PCBP3: variants seen among roughly 807,000 people sequenced by gnomAD.
The protein encoded by PCBP3 is poly(rC)-binding protein 3.
Under a neutral mutation model 52.7 loss-of-function variants are expected in PCBP3, and 25 were observed. The observed-to-expected ratio is 0.47, with a 90% CI of 0.35 to 0.66. The LOEUF (loss-of-function observed/expected upper bound fraction) is 0.66. PCBP3 is among the 30% of genes least tolerant of loss of function. The pLI is 0.01. For missense variants in PCBP3, 391 were observed against 490.3 expected, an observed-to-expected ratio of 0.80 and a Z score of 1.91; for synonymous variants, 162 against 183.0, an observed-to-expected ratio of 0.89 and a Z score of 0.93.
chr21:45,662,918 C>T (rs1186965804), intron 1 of PCBP3, among the ~76,000 whole-genome samples: 1 of 152,012 alleles, frequency 6.6e-6, no homozygotes, highest in Non-Finnish European at 1.5e-5. Context: ...CTCCCTTTCC[C>T]TGGGGGAGTT....
intron 2 of PCBP3, among the ~76,000 whole-genome samples, chr21:45,709,064 T>C (rs879364786): frequency 6.6e-6 from 1 of 152,196 alleles, no homozygotes; most frequent in Non-Finnish European, 1.5e-5. Context: ...GGCCTCCGTT[T>C]CCCCATTTGT....
chr21:45,887,325 A>T (rs1166800009), intron 5 of PCBP3, among the ~76,000 whole-genome samples: 1 of 151,988 alleles, frequency 6.6e-6, no homozygotes, highest in Non-Finnish European at 1.5e-5. Context: ...CAGCCTTGCC[A>T]CTCCTTTTGT....
At chr21:45,930,110 C>T (rs756898792) in intron 14 of PCBP3, 115 bp downstream of exon 14, 14 of 422,030 alleles carry the variant, frequency 3.3e-5, no homozygotes, top group South Asian at 1.6e-4. Flanking sequence ...TTGTGAGTGC[C>T]GGTGCTGCGG....
intron 5 of PCBP3, among the ~76,000 whole-genome samples, chr21:45,883,574 A>G (rs2095450508): frequency 6.6e-6 from 1 of 152,182 alleles, no homozygotes; most frequent in Non-Finnish European, 1.5e-5. Context: ...CTGTTATTTG[A>G]TTCATACACA....
At chr21:45,663,847 G>T (rs936381704) in intron 1 of PCBP3, among the ~76,000 whole-genome samples, 2 of 151,632 alleles carry the variant, frequency 1.3e-5, no homozygotes, top group African/African-American at 4.8e-5. Context: ...TGGTTATTTG[G>T]GCTCTTTTTG....
chr21:45,804,406 G>T (rs980895313), intron 4 of PCBP3, among the ~76,000 whole-genome samples: 2 of 152,288 alleles, frequency 1.3e-5, no homozygotes, highest in South Asian at 4.1e-4. Flanking sequence ...AGGCTTTGAG[G>T]TGGTGTACAA....
rs532578054 is a variant in PCBP3 at position 45,744,577 on chromosome 21, A to AT, written c.-162+9154dup. ...TCAGCATTTTAGTCACATTTGTCTA[A>AT]TTTTTTCTCCAAAATAGCTTTCATT... On this transcript the variant is annotated intron_variant, in intron 3 of 17. Transcript: ENST00000681687. 2.5e-3 allele frequency among the ~76,000 whole-genome samples: 374 copies of AT among 152,068 alleles called. 2 individuals are homozygous for AT. Among genetic ancestry groups the AT allele is most frequent in the South Asian group, 6.2e-3 (30 of 4,808 alleles).
At chr21:45,909,798 CCCACCCACTGCCCAGATACGGACCCGG>C (rs2096303694) in intron 10 of PCBP3, among the ~76,000 whole-genome samples, 1 of 90,454 alleles carries the variant, frequency 1.1e-5, no homozygotes, top group Admixed American at 1.1e-4. Flanking sequence ...GGACCCCCCC[CCCACCCACTGCCCAGATACGGACCCGG>C]CCCACCCACT....
chr21:45,672,594 A>C (rs982136968), intron 2 of PCBP3, among the ~76,000 whole-genome samples: 4 of 152,034 alleles, frequency 2.6e-5, no homozygotes, highest in African/African-American at 4.8e-5. Context: ...CTAGTCTTCC[A>C]GCTACTTCAT....
intron 9 of PCBP3, among the ~76,000 whole-genome samples, chr21:45,905,696 C>T (rs2096185492): frequency 6.6e-6 from 1 of 152,222 alleles, no homozygotes; most frequent in Non-Finnish European, 1.5e-5. Flanking sequence ...AGAGTCACCC[C>T]TCTGTGTGTG....
At chr21:45,939,887 C>T in intron 16 of PCBP3, 143 bp from the exon 17 acceptor site, 1 of 698,086 alleles carries the variant, frequency 1.4e-6, no homozygotes, top group Non-Finnish European at 2.4e-6. Context: ...TGGGCGGGGC[C>T]TCTCCGGGGT....
chr21:45,703,100 C>T (rs1046606940), intron 2 of PCBP3, among the ~76,000 whole-genome samples: 4 of 152,176 alleles, frequency 2.6e-5, no homozygotes, highest in Admixed American at 6.5e-5. Flanking sequence ...AGTTCTCTTG[C>T]TGTTTTCACC....
At chr21:45,815,004 GTGGTGAGTGA>G (rs1460352124) in intron 4 of PCBP3, among the ~76,000 whole-genome samples, 88 of 102,382 alleles carry the variant, frequency 8.6e-4, no homozygotes, top group Middle Eastern at 7.8e-3. Context: ...TGGTGAGTGA[GTGGTGAGTGA>G]TGAGTGAGTG....
chr21:45,889,740 G>T (rs57996456), intron 5 of PCBP3, among the ~76,000 whole-genome samples: 1 of 152,256 alleles, frequency 6.6e-6, no homozygotes, highest in East Asian at 1.9e-4. Flanking sequence ...GTTTGTTGCC[G>T]TGAGTGCTGC....
chr21:45,809,143 C>CA (rs1385741579), intron 4 of PCBP3, among the ~76,000 whole-genome samples: 1 of 152,140 alleles, frequency 6.6e-6, no homozygotes, highest in Non-Finnish European at 1.5e-5. Flanking sequence ...ACCTGTGTAA[C>CA]AAACCTGCAT....
Position 45,928,314 on chromosome 21 carries a change from G to A in PCBP3, c.718-1603G>A, listed in dbSNP as rs992172208. ...CGTTCACGTTACATCATGGGGCAGCGCAGATGCCACAATGCCCTGCCCCCC... is the reference window on the plus strand; with the variant it reads ...CGTTCACGTTACATCATGGGGCAGCACAGATGCCACAATGCCCTGCCCCCC... On this transcript the variant is annotated intron_variant, in intron 13 of 17. Coordinates refer to ENST00000681687, the MANE Select transcript of PCBP3 (RefSeq NM_001384156.1). This position sits in a 1 kb window ranked among gnomAD's most constrained non-coding sequence, Gnocchi z 4.1. 1.3e-5 allele frequency among the ~76,000 whole-genome samples: 2 copies of A among 152,202 alleles called. No individual in the cohort carries two copies. The highest frequency in any genetic ancestry group is 2.9e-5 in the Non-Finnish European group (2 of 68,030).
chr21:45,796,190 A>G (rs901622566), intron 4 of PCBP3, among the ~76,000 whole-genome samples: 2 of 152,186 alleles, frequency 1.3e-5, no homozygotes, highest in Non-Finnish European at 1.5e-5. Context: ...AACTTCTCCA[A>G]GTCATCTGAT....
intron 5 of PCBP3, among the ~76,000 whole-genome samples, chr21:45,891,593 C>T (rs1022807808): frequency 5.9e-5 from 9 of 152,038 alleles, no homozygotes; most frequent in Non-Finnish European, 1.0e-4. Flanking sequence ...AGTGGGAGCA[C>T]GGACCACAGG....
Position 45,728,929 on chromosome 21 carries a change from A to C in PCBP3, c.-199-6463A>C, listed in dbSNP as rs192620491. Reference sequence around the variant, plus strand: ...TAAAATGCAATTAAAGTGCACTTAAAATGCAATTAAAGTACACCAAATTAA... The same window carrying C: ...TAAAATGCAATTAAAGTGCACTTAACATGCAATTAAAGTACACCAAATTAA... On this transcript the variant is annotated intron_variant, in intron 2 of 17. Transcript: ENST00000681687. Among the ~76,000 whole-genome samples, 185 of 152,328 alleles carry C rather than the reference A, an allele frequency of 1.2e-3. 7 individuals carry two copies. In the South Asian group the frequency reaches 0.03, roughly 25 times the overall value.
Sources: allele counts gnomAD v4.1 joint callset (sites outside exome capture counted in the v4.1 genomes callset), GRCh38; gene constraint gnomAD v4.1.1; non-coding constraint Gnocchi (gnomAD v3.1); transcripts MANE v1.5; gene names NCBI Gene and HGNC (gene_info 2026-07-23, HGNC 2026-07-21).